The following DNAH11 variants were observed in gnomAD, a reference collection of about 807,000 sequenced individuals.
DNAH11 encodes axonemal beta dynein heavy chain 11.
In DNAH11, 442 loss-of-function variants were observed where a neutral mutation model predicts 526.0. The observed-to-expected ratio is 0.84, with a 90% CI of 0.78 to 0.91. The LOEUF (loss-of-function observed/expected upper bound fraction) is 0.91, where lower values mean the gene tolerates loss of function less well. Among genes scored for constraint, DNAH11 ranks in the 40% least tolerant of loss-of-function variants. DNAH11 has a pLI of 0.00. For synonymous variants in DNAH11, 2,461 were observed against 1,935.9 expected (o/e 1.27, Z -7.12); for missense variants, 6,989 against 5,448.7 (o/e 1.28, Z -8.90).
At chr7:21,608,681 C>T (rs1785398330) in intron 20 of DNAH11, among the ~76,000 whole-genome samples, 1 of 152,116 alleles carries the variant, frequency 6.6e-6, no homozygotes, top group Non-Finnish European at 1.5e-5. Context: ...AAGATTATGT[C>T]TAAATTGCAG....
chr7:21,723,492 G>C (rs1784962003), intron 44 of DNAH11, among the ~76,000 whole-genome samples: 1 of 152,172 alleles, frequency 6.6e-6, no homozygotes, highest in African/African-American at 2.4e-5. Flanking sequence ...GGCTTCTGAA[G>C]TAGCCTCCTC....
At chr7:21,679,018 A>T (rs1783030545) in intron 30 of DNAH11, among the ~76,000 whole-genome samples, 1 of 152,164 alleles carries the variant, frequency 6.6e-6, no homozygotes, top group Non-Finnish European at 1.5e-5. Flanking sequence ...ATGTGTAGAC[A>T]CTCATGCCCA....
intron 28 of DNAH11, among the ~76,000 whole-genome samples, chr7:21,654,654 C>T: frequency 6.6e-6 from 1 of 152,104 alleles, no homozygotes; most frequent in East Asian, 1.9e-4. Flanking sequence ...TTTTGAGGAA[C>T]CACAAAACTG....
chr7:21,824,344 G>A (rs1047609238), intron 65 of DNAH11, among the ~76,000 whole-genome samples: 16 of 152,102 alleles, frequency 1.1e-4, no homozygotes, highest in Admixed American at 9.8e-4. Context: ...ACTTCCAAAG[G>A]TAGCCAATGT....
At chr7:21,877,366 T>C (rs899255637) in intron 74 of DNAH11, among the ~76,000 whole-genome samples, 1 of 152,200 alleles carries the variant, frequency 6.6e-6, no homozygotes, top group Non-Finnish European at 1.5e-5. Context: ...TATGCCACTA[T>C]GCCTGGCTAA....
At chr7:21,616,717 C>T (rs1785799857) in intron 22 of DNAH11, among the ~76,000 whole-genome samples, 1 of 152,172 alleles carries the variant, frequency 6.6e-6, no homozygotes, top group Admixed American at 6.5e-5. Context: ...ATGCGGAATA[C>T]TATGATCTTT....
chr7:21,875,711 C>G (rs1205963171), intron 74 of DNAH11, among the ~76,000 whole-genome samples: 7 of 152,090 alleles, frequency 4.6e-5, no homozygotes, highest in African/African-American at 1.4e-4. Context: ...GATAAAGATT[C>G]ACAGATTCCC....
intron 35 of DNAH11, among the ~76,000 whole-genome samples, chr7:21,697,394 C>T (rs181502282): frequency 3.9e-4 from 60 of 152,212 alleles, no homozygotes; most frequent in African/African-American, 1.3e-3. Context: ...GGCACAAGCT[C>T]TCAGTAGCTG....
At chr7:21,786,027 A>G (rs528057346) in intron 58 of DNAH11, among the ~76,000 whole-genome samples, 4 of 152,218 alleles carry the variant, frequency 2.6e-5, no homozygotes, top group African/African-American at 7.2e-5. Context: ...CCTGATACAT[A>G]TAATTTATAC....
At chr7:21,562,837 A>C (rs952431185) in intron 5 of DNAH11, among the ~76,000 whole-genome samples, 1 of 152,206 alleles carries the variant, frequency 6.6e-6, no homozygotes, top group African/African-American at 2.4e-5. Context: ...TTATTGTTAC[A>C]TAGACAGATG....
chr7:21,615,865 G>T (rs749619533), intron 21 of DNAH11, among the ~76,000 whole-genome samples: 11 of 152,068 alleles, frequency 7.2e-5, no homozygotes, highest in Non-Finnish European at 1.2e-4. Flanking sequence ...TCATGTGAAA[G>T]CTTATTTAGT....
At position 21,728,237 on chromosome 7, in the gene DNAH11, CTTTTTTTTTTTTTTTTTTTTTTTTT is replaced by C. The variant is rs71026816; in HGVS notation, c.7440+2267_7440+2291del. Among the ~76,000 whole-genome samples the C allele has an allele frequency of 3.1e-4, 18 of 58,946 alleles. 1 individual carries two copies. The highest frequency in any genetic ancestry group is 9.9e-4 in the African/African-American group (13 of 13,086). The allele number at this position is 58,946 out of a possible 152,430, so 38.7% of individuals were successfully genotyped here. A position where few individuals can be genotyped will look rare whatever the true frequency, so the allele number is the denominator to read the frequency against. ...TCACCCATTCCAACAGCCCACAATT[CTTTTTTTTTTTTTTTTTTTTTTTTT>C]TTTTTTTTTTTTTGAGACAGAGTCT... On this transcript the variant is annotated intron_variant, in intron 45 of 81. Coordinates refer to ENST00000409508, the MANE Select transcript of DNAH11 (RefSeq NM_001277115.2).
At position 21,543,584 on chromosome 7, in the gene DNAH11, G is replaced by A; in HGVS notation, c.339G>A (p.Ala113=). ...GCTTCGCCGCCTCGGGGCGCCTTGCGGCTTCCCAGGAGGTAAGAGGCGACG... is the reference window on the plus strand; with the variant it reads ...GCTTCGCCGCCTCGGGGCGCCTTGCAGCTTCCCAGGAGGTAAGAGGCGACG... ...VFSFAASGRL[A]ASQEIPRDAN... Residue 113 remains alanine (A), a synonymous_variant, in exon 1 of 82, where the codon GCG becomes GCA. Coordinates refer to ENST00000409508, the MANE Select transcript of DNAH11 (RefSeq NM_001277115.2). 6.3e-7 allele frequency: 1 copy of A among 1,594,620 alleles called. No homozygotes were observed.
chr7:21,583,893 A>G (rs188211889), intron 9 of DNAH11, among the ~76,000 whole-genome samples: 2 of 152,340 alleles, frequency 1.3e-5, no homozygotes, highest in African/African-American at 4.8e-5. Context: ...ACCTCATGCC[A>G]GTTAGAATGG....
intron 65 of DNAH11, among the ~76,000 whole-genome samples, chr7:21,827,369 A>G (rs1790349387): frequency 1.3e-5 from 2 of 152,160 alleles, no homozygotes; most frequent in Admixed American, 1.3e-4. Context: ...TCTGGGAAGC[A>G]TCTTCATAAA....
chr7:21,543,415 C>A lies in DNAH11; in HGVS notation c.170C>A (p.Ala57Glu). Residue 57 changes from alanine (A) to glutamate (E), a missense_variant, in exon 1 of 82, where the codon GCG becomes GAG. Coordinates refer to ENST00000409508, the MANE Select transcript of DNAH11 (RefSeq NM_001277115.2). ...ARRARSFAQD[A>E]RVRFLGGRLA... ...AGAGCGCGGAGTTTCGCCCAAGACG[C>A]GCGGGTGCGCTTCCTCGGCGGCCGC... 2 of 1,554,638 alleles carry A rather than the reference C, an allele frequency of 1.3e-6. No individual in the cohort carries two copies. The highest frequency in any genetic ancestry group is 1.7e-6 in the Non-Finnish European group (2 of 1,148,426).
chr7:21,702,973 G>A (rs1784126324), intron 37 of DNAH11, among the ~76,000 whole-genome samples, 171 bp downstream of exon 37: 1 of 152,102 alleles, frequency 6.6e-6, no homozygotes, highest in African/African-American at 2.4e-5. Flanking sequence ...GGTCACAAGT[G>A]GTCTTGAGTA....
rs1232898416 is a variant in DNAH11 at position 21,655,856 on chromosome 7, T to C, written c.4969T>C (p.Phe1657Leu). 5.0e-6 allele frequency: 8 copies of C among 1,613,222 alleles called. No individual in the cohort carries two copies. The South Asian group carries it at 5.5e-5, about 11-fold the overall frequency. The change falls in exon 29 of 82, where the codon TTC becomes CTC. Residue 1657 changes from phenylalanine (F) to leucine (L), a missense_variant. Phe to Leu is a conservative substitution (Grantham distance 22, BLOSUM62 0). Coordinates refer to ENST00000409508, the MANE Select transcript of DNAH11 (RefSeq NM_001277115.2). ...KQVTCHLAKL[F>L]DSIADLQFED... is the part of the protein sequence containing the mutation. ...GGTAACATGTCACCTTGCCAAACTT[T>C]TCGACAGCATTGCAGATCTGCAGTT...
intron 45 of DNAH11, among the ~76,000 whole-genome samples, chr7:21,733,342 C>T (rs1042631159): frequency 2.2e-4 from 33 of 152,062 alleles, no homozygotes; most frequent in Admixed American, 5.9e-4. Context: ...GAGCTGAGAT[C>T]GTGCCACTGC....
Sources: gnomAD v4.1 joint callset for allele counts (sites outside exome capture counted in the v4.1 genomes callset) on GRCh38, gnomAD v4.1.1 for gene constraint, MANE v1.5 for transcripts, NCBI Gene and HGNC (gene_info 2026-07-23, HGNC 2026-07-21) for gene names.